The following PHF14 variants were observed in gnomAD, a reference collection of about 807,000 sequenced individuals.
PHF14 encodes the protein PHD finger protein 14.
A neutral mutation model predicts 117.9 loss-of-function variants in PHF14; 55 were observed. That is an observed-to-expected ratio of 0.47 (90% CI 0.38 to 0.58). The LOEUF is 0.58. Ranked by LOEUF, PHF14 falls within the 20% of genes least tolerant of loss-of-function variation. The pLI is 0.00. For synonymous variants in PHF14, 409 were observed against 368.6 expected (o/e 1.11, Z -1.26); for missense variants, 978 against 1,122.2 (o/e 0.87, Z 1.84).
At chr7:11,035,392 T>A in intron 7 of PHF14, among the ~76,000 whole-genome samples, 1 of 152,172 alleles carries the variant, frequency 6.6e-6, no homozygotes, top group East Asian at 1.9e-4. Context: ...TTATATTTGA[T>A]TTCAATATCT....
intron 16 of PHF14, chr7:11,103,505 G>A (rs1787159453): frequency 2.0e-6 from 2 of 984,748 alleles, no homozygotes; most frequent in Admixed American, 1.2e-4. Flanking sequence ...CCAGTTTTAA[G>A]TCAACGGCAG....
intron 17 of PHF14, among the ~76,000 whole-genome samples, chr7:11,163,611 T>C (rs942517339): frequency 2.0e-5 from 3 of 152,202 alleles, no homozygotes; most frequent in Non-Finnish European, 4.4e-5. Flanking sequence ...ATGCACCATT[T>C]AAAGAATTAT....
At chr7:11,112,529 TGGGAGGTCGA>T (rs1787480465) in intron 17 of PHF14, among the ~76,000 whole-genome samples, 1 of 152,028 alleles carries the variant, frequency 6.6e-6, no homozygotes, top group East Asian at 1.9e-4. Flanking sequence ...CCCAGCACTT[TGGGAGGTCGA>T]GGGAGGTGGA....
rs747272623 is a variant in PHF14, at chr7:11,036,433, C to T, written c.1618C>T (p.Arg540Trp). 3 of 1,611,854 alleles carry T rather than the reference C, an allele frequency of 1.9e-6. No individual in the cohort carries two copies. The highest frequency in any genetic ancestry group is 1.1e-5 in the South Asian group (1 of 90,878). The change falls in exon 9 of 18, where the codon CGG becomes TGG. Residue 540 changes from arginine (R) to tryptophan (W), a missense_variant. Physicochemically the swap from Arg to Trp is moderately radical, Grantham distance 101 (BLOSUM62 -3). Around this residue, in one of 7 missense-constraint regions of PHF14, gnomAD observed 237 missense variants for 276.4 expected, o/e 0.86. Coordinates refer to ENST00000634607, the MANE Select transcript of PHF14 (RefSeq NM_001007157.2). ...TCTTTTATAGGCAAGGATCAATGCC[C>T]GGCTTCAGCAGTATCGTGCCAAAGC... ...SPEAQARINARLQQYRAKAEL... is the reference protein window; with the variant it reads ...SPEAQARINAWLQQYRAKAEL...
intron 4 of PHF14, among the ~76,000 whole-genome samples, chr7:10,998,416 A>G (rs1431395545): frequency 1.3e-5 from 2 of 152,184 alleles, no homozygotes; most frequent in Non-Finnish European, 2.9e-5. Flanking sequence ...TATACCTAAA[A>G]TATATATGTA....
chr7:11,076,427 ATTT>A (rs112014523), intron 16 of PHF14, among the ~76,000 whole-genome samples: 2,283 of 151,906 alleles, frequency 0.015, 45 homozygotes, highest in African/African-American at 0.053. Flanking sequence ...ATTTAATATT[ATTT>A]TTTTAAAATG....
At chr7:11,006,696 C>T (rs566610953) in intron 4 of PHF14, 10 of 635,946 alleles carry the variant, frequency 1.6e-5, no homozygotes, top group Non-Finnish European at 3.0e-5. Flanking sequence ...CCGAGGATAT[C>T]TGGGCTGCCT....
At chr7:11,136,459 T>A (rs1294737853) in intron 17 of PHF14, among the ~76,000 whole-genome samples, 1 of 152,156 alleles carries the variant, frequency 6.6e-6, no homozygotes, top group African/African-American at 2.4e-5. Flanking sequence ...TATGAATGAA[T>A]CCAGATTTTC....
intron 16 of PHF14, among the ~76,000 whole-genome samples, chr7:11,095,212 C>T (rs2128339744): frequency 6.6e-6 from 1 of 152,274 alleles, no homozygotes; most frequent in South Asian, 2.1e-4. Flanking sequence ...TTATTTTATA[C>T]ACTTATTTAA....
chr7:10,992,011 TA>T (rs1782473071), intron 4 of PHF14, among the ~76,000 whole-genome samples: 1 of 151,992 alleles, frequency 6.6e-6, no homozygotes, highest in South Asian at 2.1e-4. Flanking sequence ...AAAACATTCT[TA>T]AAAAATTTAT....
chr7:11,040,893 G>C, intron 12 of PHF14, 118 bp downstream of exon 12: 1 of 496,644 alleles, frequency 2.0e-6, no homozygotes, highest in Non-Finnish European at 3.5e-6. Context: ...CAGAATTTAA[G>C]TGCATTTGAA....
At chr7:11,118,800 C>G (rs898755594) in intron 17 of PHF14, among the ~76,000 whole-genome samples, 3 of 151,640 alleles carry the variant, frequency 2.0e-5, no homozygotes, top group African/African-American at 7.3e-5. Context: ...TCATGGGAAT[C>G]AGATAATATA....
intron 3 of PHF14, among the ~76,000 whole-genome samples, chr7:10,985,679 G>GTC (rs1782199721): frequency 9.2e-6 from 1 of 108,420 alleles, no homozygotes; most frequent in African/African-American, 3.6e-5. Context: ...TGGAGACAGG[G>GTC]TCTCACTCTG....
chr7:11,063,639 A>G (rs1400120838), intron 16 of PHF14: 3 of 974,098 alleles, frequency 3.1e-6, no homozygotes, highest in Non-Finnish European at 2.4e-6. Context: ...TTTTTGCTGT[A>G]GGACTTAGAG....
In PHF14 at chr7:10,990,591, A is replaced by G. The variant is rs986470140; in HGVS notation, c.901-112A>G. 4.8e-6 allele frequency: 3 copies of G among 620,216 alleles called. No homozygotes were observed. The African/African-American group carries it at 5.6e-5, about 12-fold the overall frequency. The allele number at this position is 620,216 out of a possible 1,614,324, so 38.4% of individuals were successfully genotyped here. On this transcript the variant is annotated intron_variant, in intron 3 of 17. Transcript: ENST00000634607. Reference sequence around the variant, plus strand: ...TTAATAAAAGAATGGAAAATGGGGCATACATTTGGAAATGCATATAATAAT... The same window carrying G: ...TTAATAAAAGAATGGAAAATGGGGCGTACATTTGGAAATGCATATAATAAT...
At chr7:11,164,259 T>C (rs1337482778) in intron 17 of PHF14, among the ~76,000 whole-genome samples, 1 of 152,222 alleles carries the variant, frequency 6.6e-6, no homozygotes, top group Non-Finnish European at 1.5e-5. Flanking sequence ...CTTGTAACTC[T>C]TACTTATTTC....
intron 16 of PHF14, chr7:11,107,239 C>T (rs918163374): frequency 1.0e-6 from 1 of 980,486 alleles, no homozygotes; most frequent in African/African-American, 1.7e-5. Context: ...TGACTAATTG[C>T]TTGTTATATG....
chr7:11,137,084 A>G (rs1295329658), intron 17 of PHF14, among the ~76,000 whole-genome samples: 2 of 152,248 alleles, frequency 1.3e-5, no homozygotes, highest in Non-Finnish European at 1.5e-5. Flanking sequence ...TTGTGACTCC[A>G]CGGCTTAAAC....
chr7:10,995,166 A>G (rs1368875946), intron 4 of PHF14, among the ~76,000 whole-genome samples: 2 of 152,274 alleles, frequency 1.3e-5, no homozygotes, highest in East Asian at 1.9e-4. Context: ...CTAGACACAG[A>G]GTGCTGATTG....
Sources: allele counts gnomAD v4.1 joint callset (sites outside exome capture counted in the v4.1 genomes callset), GRCh38; gene constraint gnomAD v4.1.1; regional missense constraint gnomAD v4.1.1; transcripts MANE v1.5; gene names NCBI Gene and HGNC (gene_info 2026-07-23, HGNC 2026-07-21).